Variants in COG7 observed in about 807,000 individuals in gnomAD.
COG7 encodes the protein conserved oligomeric Golgi complex subunit 7.
COG7 carries 49 observed loss-of-function variants against 91.5 expected under a neutral mutation model. The observed-to-expected ratio is 0.54, with a 90% confidence interval of 0.43 to 0.68. The LOEUF is 0.68. Among genes scored for constraint, COG7 ranks in the 30% least tolerant of loss-of-function variants. The pLI is 0.00. For missense variants in COG7, 895 were observed against 961.3 expected, an observed-to-expected ratio of 0.93 and a Z score of 0.91; for synonymous variants, 365 against 388.7, an observed-to-expected ratio of 0.94 and a Z score of 0.72.
Position 23,401,609 on chromosome 16 carries a change from C to T in COG7, c.1803+2085G>A, listed in dbSNP as rs138437170. Among the ~76,000 whole-genome samples the T allele has an allele frequency of 1.5e-3, 236 of 152,286 alleles. 2 individuals carry two copies. The highest frequency in any genetic ancestry group is 5.2e-3 in the African/African-American group (216 of 41,542). ...GAGAGACAAAGAAAGCTAATCCTTT[C>T]GTTTTTCAATGGATCATATGTATCA... On this transcript the variant is annotated intron_variant, in intron 13 of 16. Coordinates refer to ENST00000307149, the MANE Select transcript of COG7 (RefSeq NM_153603.4).
intron 4 of COG7, 85 bp downstream of exon 4, chr16:23,442,392 T>C: frequency 9.9e-6 from 12 of 1,214,534 alleles, no homozygotes; most frequent in Non-Finnish European, 1.5e-5. Context: ...TCAATCACCA[T>C]TAAGACATTC....
At chr16:23,436,858 A>C (rs1012564948) in intron 4 of COG7, among the ~76,000 whole-genome samples, 4 of 152,218 alleles carry the variant, frequency 2.6e-5, no homozygotes, top group African/African-American at 4.8e-5. Flanking sequence ...ATTAAGATTA[A>C]TCACCAAAAG....
intron 14 of COG7, among the ~76,000 whole-genome samples, chr16:23,394,555 T>C (rs1963254176): frequency 6.6e-6 from 1 of 152,152 alleles, no homozygotes; most frequent in South Asian, 2.1e-4. Flanking sequence ...GACATTCCTG[T>C]CACTGTTAAT....
chr16:23,400,054 G>C (rs1026970836), intron 13 of COG7, among the ~76,000 whole-genome samples: 9 of 152,214 alleles, frequency 5.9e-5, no homozygotes, highest in African/African-American at 2.2e-4. Flanking sequence ...AAACAGGATG[G>C]CTAGGAGTGG....
chr16:23,397,905 G>C, intron 14 of COG7, 141 bp downstream of exon 14: 1 of 713,558 alleles, frequency 1.4e-6, no homozygotes, highest in Non-Finnish European at 2.5e-6. Flanking sequence ...CCAGGATCTG[G>C]GTGCAGACTA....
chr16:23,448,774 C>T (rs1964220007), intron 1 of COG7, among the ~76,000 whole-genome samples: 1 of 152,118 alleles, frequency 6.6e-6, no homozygotes, highest in Non-Finnish European at 1.5e-5. Flanking sequence ...GGGTTCAGTC[C>T]AGGCTCTCCA....
At chr16:23,438,182 A>G (rs1285099276) in intron 4 of COG7, among the ~76,000 whole-genome samples, 2 of 152,192 alleles carry the variant, frequency 1.3e-5, no homozygotes, top group African/African-American at 4.8e-5. Flanking sequence ...TATTTGCAAG[A>G]TATATTCAAT....
chr16:23,433,387 G>A lies in COG7; in HGVS notation c.810+158C>T, dbSNP rs11863073. 0.024 allele frequency among the ~76,000 whole-genome samples: 3,725 copies of A among 152,132 alleles called. 89 individuals are homozygous for A. The highest frequency in any genetic ancestry group is 0.063 in the African/African-American group (2,612 of 41,488). ...ATTACAAGTGTGAGCCACCGCACCC[G>A]GCCTAACTGGTTATTTTTTAACCCC... is the stretch of plus-strand genomic sequence containing the variant. On this transcript the variant is annotated intron_variant, in intron 6 of 16. Transcript: ENST00000307149.
intron 7 of COG7, 133 bp downstream of exon 7, chr16:23,424,616 T>G (rs894084060): frequency 1.1e-6 from 1 of 932,838 alleles, no homozygotes; most frequent in East Asian, 2.4e-5. Context: ...CCACATCTGC[T>G]GAGAAGGAAA....
At position 23,407,496 on chromosome 16, in the gene COG7, T is replaced by C. The variant is rs544758353; in HGVS notation, c.1476-1234A>G. On this transcript the variant is annotated intron_variant, in intron 11 of 16. Transcript: ENST00000307149. ...TCTGATTTTGGCTTTTTCCCAAAGA[T>C]AGTGCTTCACAGGGGCATTAGAAAG... Among the ~76,000 whole-genome samples the C allele has an allele frequency of 2.0e-5, 3 of 152,336 alleles. No homozygotes were observed. In the South Asian group the frequency reaches 6.2e-4, roughly 32 times the overall value.
chr16:23,419,268 G>A (rs1963710740), intron 7 of COG7, among the ~76,000 whole-genome samples: 1 of 152,082 alleles, frequency 6.6e-6, no homozygotes, highest in African/African-American at 2.4e-5. Context: ...AAAATTAGCT[G>A]GGCATGGTGG....
At chr16:23,452,686 A>G in intron 1 of COG7, 140 bp downstream of exon 1, 9 of 1,452,824 alleles carry the variant, frequency 6.2e-6, no homozygotes, top group Non-Finnish European at 9.1e-7. Context: ...CGTGATCAGG[A>G]GTTCGGGGCT....
chr16:23,389,235 C>G, intron 16 of COG7, 149 bp from the exon 17 acceptor site: 1 of 847,992 alleles, frequency 1.2e-6, no homozygotes, highest in Non-Finnish European at 1.8e-6. Flanking sequence ...TCAATAGGCC[C>G]TTTACTCACC....
At chr16:23,446,167 C>T (rs1964179572) in intron 1 of COG7, among the ~76,000 whole-genome samples, 1 of 152,144 alleles carries the variant, frequency 6.6e-6, no homozygotes, top group Non-Finnish European at 1.5e-5. Context: ...GATCACGTCC[C>T]CAGACTGATG....
At chr16:23,436,384 A>G (rs1054825528) in intron 4 of COG7, among the ~76,000 whole-genome samples, 5 of 152,108 alleles carry the variant, frequency 3.3e-5, no homozygotes, top group Non-Finnish European at 7.3e-5. Context: ...ATTTTAGGAG[A>G]TGGAAAAGGG....
chr16:23,389,680 T>A (rs2142056287), intron 16 of COG7, among the ~76,000 whole-genome samples: 1 of 152,316 alleles, frequency 6.6e-6, no homozygotes, highest in Non-Finnish European at 1.5e-5. Context: ...ACAAGGACAG[T>A]GTCTGGGGTG....
rs777605431 is a variant in COG7, at chr16:23,400,989, GA to G, written c.1803+2704del. On this transcript the variant is annotated intron_variant, in intron 13 of 16. Transcript: ENST00000307149. ...TGTCTCAAAAAAAAAAGGGGGGGGG[GA>G]AAACAGCAGAGAATGTCACTTGAGG... 7.6e-4 allele frequency among the ~76,000 whole-genome samples: 112 copies of G among 146,838 alleles called. 1 individual carries two copies. In the East Asian group the frequency reaches 0.015, roughly 20 times the overall value.
chr16:23,452,766 T>G (rs564594344), intron 1 of COG7, 60 bp downstream of exon 1: 1 of 1,556,712 alleles, frequency 6.4e-7, no homozygotes, highest in South Asian at 1.2e-5. Flanking sequence ...GCAAGTTCGG[T>G]GACCTCTGCC....
intron 6 of COG7, among the ~76,000 whole-genome samples, chr16:23,426,916 T>C (rs2142082929): frequency 6.6e-6 from 1 of 152,130 alleles, no homozygotes; most frequent in South Asian, 2.1e-4. Context: ...CATTATTTTA[T>C]GTGTAGAAAA....
Sources: allele counts gnomAD v4.1 joint callset (sites outside exome capture counted in the v4.1 genomes callset), GRCh38; gene constraint gnomAD v4.1.1; transcripts MANE v1.5; gene names NCBI Gene and HGNC (gene_info 2026-07-23, HGNC 2026-07-21).